KCNQ1: variants seen among roughly 807,000 people sequenced by gnomAD.
The protein encoded by KCNQ1 is potassium voltage-gated channel subfamily KQT member 1.
A neutral mutation model predicts 72.4 loss-of-function variants in KCNQ1; 49 were observed. That is an observed-to-expected ratio of 0.68 (90% CI 0.54 to 0.86). The LOEUF is 0.86. KCNQ1 is among the 40% of genes least tolerant of loss of function. The pLI, the probability that KCNQ1 is intolerant of heterozygous loss-of-function variation, is 0.00. For synonymous variants in KCNQ1, 450 were observed against 412.6 expected (o/e 1.09, Z -1.10); for missense variants, 790 against 945.1 (o/e 0.84, Z 2.15).
chr11:2,792,860 G>A (rs1847056101), intron 15 of KCNQ1, among the ~76,000 whole-genome samples: 2 of 152,196 alleles, frequency 1.3e-5, no homozygotes, highest in East Asian at 1.9e-4. Context: ...GCCTGACAGC[G>A]GGGCCAGCAC....
chr11:2,516,911 C>T lies in KCNQ1; in HGVS notation c.387-11017C>T, dbSNP rs1222791112. ...CCCCCCAGAGTTTGCCTGGTGTCAC[C>T]GGGAAGCTTCCTGGCTGCCCGAGGG... On this transcript the variant is annotated intron_variant, in intron 1 of 15. Coordinates refer to ENST00000155840, the MANE Select transcript of KCNQ1 (RefSeq NM_000218.3). The surrounding 1 kb of genome is among the most constrained non-coding windows in gnomAD (Gnocchi z 7.0). Among the ~76,000 whole-genome samples, 1 of 152,104 alleles carries T rather than the reference C, an allele frequency of 6.6e-6. No individual in the cohort carries two copies. The highest frequency in any genetic ancestry group is 1.5e-5 in the Non-Finnish European group (1 of 68,024).
chr11:2,736,307 G>A (rs148675850), intron 11 of KCNQ1, among the ~76,000 whole-genome samples: 4 of 152,316 alleles, frequency 2.6e-5, no homozygotes, highest in Non-Finnish European at 5.9e-5. Context: ...CCGAGCTTGG[G>A]CCGTATCTGG....
intron 11 of KCNQ1, chr11:2,692,173 G>A (rs969053013): frequency 2.5e-6 from 1 of 398,670 alleles, no homozygotes; most frequent in Non-Finnish European, 4.4e-6. Context: ...CCTTTCAGTG[G>A]CACAAGTCAG....
Position 2,617,219 on chromosome 11 carries a change from T to A in KCNQ1, c.1393+28365T>A, listed in dbSNP as rs1255652416. On this transcript the variant is annotated intron_variant, in intron 10 of 15. Transcript: ENST00000155840. The surrounding 1 kb of genome is among the most constrained non-coding windows in gnomAD (Gnocchi z 4.6). ...ACTTGGTATCCTTTGACCTACATCT[T>A]TCCATTTTCTTCCCCCACACCTTGC... 5.0e-6 allele frequency: 2 copies of A among 398,266 alleles called. No homozygotes were observed. The highest frequency in any genetic ancestry group is 8.9e-6 in the Non-Finnish European group (2 of 225,924). 24.7% of individuals were successfully genotyped at this position (398,266 alleles called of 1,614,324 possible). A position where few individuals can be genotyped will look rare whatever the true frequency, so the allele number is the denominator to read the frequency against.
In KCNQ1 at chr11:2,645,388, A is replaced by G; in HGVS notation, c.1394-16573A>G. On this transcript the variant is annotated intron_variant, in intron 10 of 15. Coordinates refer to ENST00000155840, the MANE Select transcript of KCNQ1 (RefSeq NM_000218.3). This position sits in a 1 kb window ranked among gnomAD's most constrained non-coding sequence, Gnocchi z 5.8. Reference sequence around the variant, plus strand: ...CACTGGGAGAAAAGAGGGTGGGACCAGGCCAGGTGGGCCTGTCCTGAGGCC... The same window carrying G: ...CACTGGGAGAAAAGAGGGTGGGACCGGGCCAGGTGGGCCTGTCCTGAGGCC... 1 of 398,828 alleles carries G rather than the reference A, an allele frequency of 2.5e-6. No homozygotes were observed. The highest frequency in any genetic ancestry group is 4.4e-6 in the Non-Finnish European group (1 of 226,246). The allele number at this position is 398,828 out of a possible 1,614,324, so 24.7% of individuals were successfully genotyped here. A position where few individuals can be genotyped will look rare whatever the true frequency, so the allele number is the denominator to read the frequency against.
Position 2,673,050 on chromosome 11 carries a change from G to T in KCNQ1, c.1514+10969G>T. 5.0e-6 allele frequency: 2 copies of T among 398,758 alleles called. No individual in the cohort carries two copies. The highest frequency in any genetic ancestry group is 8.8e-6 in the Non-Finnish European group (2 of 226,162). 24.7% of individuals were successfully genotyped at this position (398,758 alleles called of 1,614,324 possible). ...ATATAGGGTCTAGGGCTGGCCAAAA[G>T]GGACAGTGAAGTTGGCTTCTCAGGC... is the stretch of plus-strand genomic sequence containing the variant. On this transcript the variant is annotated intron_variant, in intron 11 of 15. Coordinates refer to ENST00000155840, the MANE Select transcript of KCNQ1 (RefSeq NM_000218.3). This position sits in a 1 kb window ranked among gnomAD's most constrained non-coding sequence, Gnocchi z 4.5.
chr11:2,790,996 G>A (rs570907508), intron 15 of KCNQ1, among the ~76,000 whole-genome samples: 4 of 152,280 alleles, frequency 2.6e-5, no homozygotes, highest in African/African-American at 9.6e-5. Flanking sequence ...TCTCTTTCTT[G>A]GGGTGTTTCT....
At chr11:2,470,583 C>T (rs1457918776) in intron 1 of KCNQ1, among the ~76,000 whole-genome samples, 1 of 151,562 alleles carries the variant, frequency 6.6e-6, no homozygotes, top group African/African-American at 2.4e-5. Context: ...AACCCAATGA[C>T]AGTTATCAAG....
In KCNQ1 at chr11:2,508,105, G is replaced by A. The variant is rs1847134093; in HGVS notation, c.387-19823G>A. On this transcript the variant is annotated intron_variant, in intron 1 of 15. Coordinates refer to ENST00000155840, the MANE Select transcript of KCNQ1 (RefSeq NM_000218.3). The surrounding 1 kb of genome is among the most constrained non-coding windows in gnomAD (Gnocchi z 6.2). ...CCCCACAGAGCTGGCCTGGGCCCCA[G>A]CAGGGGTCTGTGTTGCCTTGGCCCC... 6.6e-6 allele frequency among the ~76,000 whole-genome samples: 1 copy of A among 152,140 alleles called. No homozygotes were observed. The highest frequency in any genetic ancestry group is 1.9e-4 in the East Asian group (1 of 5,164).
Position 2,766,982 on chromosome 11 carries a change from T to A in KCNQ1, c.1515-1862T>A, listed in dbSNP as rs1251237426. On this transcript the variant is annotated intron_variant, in intron 11 of 15. Coordinates refer to ENST00000155840, the MANE Select transcript of KCNQ1 (RefSeq NM_000218.3). The surrounding 1 kb of genome is among the most constrained non-coding windows in gnomAD (Gnocchi z 4.4). ...TCATGAGGTCAAGAGATCAACACCA[T>A]CCTAGCCAACATGATCAAACCCTGT... Among the ~76,000 whole-genome samples the A allele has an allele frequency of 1.3e-5, 2 of 152,126 alleles. No homozygotes were observed. Among genetic ancestry groups the A allele is most frequent in the Admixed American group, 6.5e-5 (1 of 15,282 alleles).
At chr11:2,655,901 C>T (rs185493687) in intron 10 of KCNQ1, 1 of 398,736 alleles carries the variant, frequency 2.5e-6, no homozygotes, top group Non-Finnish European at 4.4e-6. Context: ...ATAGGGGCCC[C>T]ATATGCCGTT....
rs554420823 is a variant in KCNQ1 at position 2,740,797 on chromosome 11, C to T, written c.1515-28047C>T. On this transcript the variant is annotated intron_variant, in intron 11 of 15. Coordinates refer to ENST00000155840, the MANE Select transcript of KCNQ1 (RefSeq NM_000218.3). Reference sequence around the variant, plus strand: ...TGCGGCTCATGGCATCCTCACATCACAGACTCTGTGCGTCCCCTGCGGCCA... The same window carrying T: ...TGCGGCTCATGGCATCCTCACATCATAGACTCTGTGCGTCCCCTGCGGCCA... Among the ~76,000 whole-genome samples, 255 of 152,366 alleles carry T rather than the reference C, an allele frequency of 1.7e-3. 1 individual carries two copies. The highest frequency in any genetic ancestry group is 5.6e-3 in the African/African-American group (234 of 41,584).
rs1392234336 is a variant in KCNQ1 at position 2,655,935 on chromosome 11, A to G, written c.1394-6026A>G. On this transcript the variant is annotated intron_variant, in intron 10 of 15. Coordinates refer to ENST00000155840, the MANE Select transcript of KCNQ1 (RefSeq NM_000218.3). ...TTCCCAGGATTAAACCAAAAAGCAC[A>G]CATTCCTCTCTGGCAGGTGCAGGTC... 10 of 398,666 alleles carry G rather than the reference A, an allele frequency of 2.5e-5. No individual in the cohort carries two copies. In the East Asian group the frequency reaches 3.6e-4, roughly 14 times the overall value. The allele number at this position is 398,666 out of a possible 1,614,324, so 24.7% of individuals were successfully genotyped here.
Position 2,808,090 on chromosome 11 carries a change from C to A in KCNQ1, c.1794+30053C>A, listed in dbSNP as rs1847415619. On this transcript the variant is annotated intron_variant, in intron 15 of 15. Coordinates refer to ENST00000155840, the MANE Select transcript of KCNQ1 (RefSeq NM_000218.3). This position sits in a 1 kb window ranked among gnomAD's most constrained non-coding sequence, Gnocchi z 6.0. ...GCAAGTGAAGGCGGCTGCTTCCCGC[C>A]CCTCTCATGGACACCACTGTGGGCA... is the stretch of plus-strand genomic sequence containing the variant. 6.6e-6 allele frequency among the ~76,000 whole-genome samples: 1 copy of A among 152,224 alleles called. No individual in the cohort carries two copies. Among genetic ancestry groups the A allele is most frequent in the Non-Finnish European group, 1.5e-5 (1 of 68,034 alleles).
chr11:2,581,555 C>T (rs1848498488), intron 6 of KCNQ1, among the ~76,000 whole-genome samples: 1 of 152,244 alleles, frequency 6.6e-6, no homozygotes, highest in Non-Finnish European at 1.5e-5. Flanking sequence ...TGGCTTCACC[C>T]TGCAGGGACC....
In KCNQ1 at chr11:2,659,692, G is replaced by A. The variant is rs1849915573; in HGVS notation, c.1394-2269G>A. The A allele has an allele frequency of 2.5e-6, 1 of 398,368 alleles. No individual in the cohort carries two copies. The highest frequency in any genetic ancestry group is 4.4e-6 in the Non-Finnish European group (1 of 226,014). 24.7% of individuals were successfully genotyped at this position (398,368 alleles called of 1,614,324 possible). A position where few individuals can be genotyped will look rare whatever the true frequency, so the allele number is the denominator to read the frequency against. On this transcript the variant is annotated intron_variant, in intron 10 of 15. Coordinates refer to ENST00000155840, the MANE Select transcript of KCNQ1 (RefSeq NM_000218.3). The surrounding 1 kb of genome is among the most constrained non-coding windows in gnomAD (Gnocchi z 4.3). ...TGCTAAACTATTTCCTAAAGTCACTGTGCCATTTTGCATTCCCACCAGTAA... is the reference window on the plus strand; with the variant it reads ...TGCTAAACTATTTCCTAAAGTCACTATGCCATTTTGCATTCCCACCAGTAA...
chr11:2,736,078 G>T (rs918474378), intron 11 of KCNQ1, among the ~76,000 whole-genome samples: 1 of 152,184 alleles, frequency 6.6e-6, no homozygotes, highest in African/African-American at 2.4e-5. Context: ...GCTGCCTGGG[G>T]TTGGGGGGTG....
intron 6 of KCNQ1, among the ~76,000 whole-genome samples, chr11:2,581,523 A>G (rs1227026900): frequency 2.0e-5 from 3 of 152,136 alleles, no homozygotes; most frequent in Non-Finnish European, 2.9e-5. Flanking sequence ...TCTGCCAGCC[A>G]CTGTCAGCCT....
intron 6 of KCNQ1, among the ~76,000 whole-genome samples, chr11:2,577,460 C>T (rs536928147): frequency 2.6e-5 from 4 of 152,316 alleles, no homozygotes; most frequent in Admixed American, 6.5e-5. Context: ...TCGGGGAAGA[C>T]GCGGCCTGGG....
Sources: gnomAD v4.1 joint callset for allele counts (sites outside exome capture counted in the v4.1 genomes callset) on GRCh38, gnomAD v4.1.1 for gene constraint, Gnocchi (gnomAD v3.1) non-coding constraint, MANE v1.5 for transcripts, NCBI Gene and HGNC (gene_info 2026-07-23, HGNC 2026-07-21) for gene names.